The following POMT2 variants were observed in gnomAD, a reference collection of about 807,000 sequenced individuals.
POMT2 encodes protein O-mannosyltransferase 2, also known as protein O-mannosyl-transferase 2.
POMT2 carries 75 observed loss-of-function variants against 100.0 expected under a neutral mutation model. That is an observed-to-expected ratio of 0.75 (90% CI 0.62 to 0.91). The LOEUF (loss-of-function observed/expected upper bound fraction) is 0.91. Among genes scored for constraint, POMT2 ranks in the 40% least tolerant of loss-of-function variants. The pLI, the probability that POMT2 is intolerant of heterozygous loss-of-function variation, is 0.00. For synonymous variants in POMT2, 378 were observed against 374.1 expected, an observed-to-expected ratio of 1.01 and a Z score of -0.12; for missense variants, 940 against 955.1, an observed-to-expected ratio of 0.98 and a Z score of 0.21.
intron 9 of POMT2, among the ~76,000 whole-genome samples, chr14:77,294,371 G>C (rs901222039): frequency 6.6e-6 from 1 of 152,172 alleles, no homozygotes; most frequent in Non-Finnish European, 1.5e-5. Context: ...GCCTGGGCTG[G>C]AGTACAGTGG....
rs1428210399 is a variant in POMT2 at position 77,320,703 on chromosome 14, C to T, written c.-22G>A. On this transcript the variant is annotated 5_prime_UTR_variant, in exon 1 of 21. Coordinates refer to ENST00000261534, the MANE Select transcript of POMT2 (RefSeq NM_013382.7). ...GCATCTTCCCCCTCCTCTGGGTCGCCCTCCGGCCCGGAGGCACACTTTGTC... is the reference window on the plus strand; with the variant it reads ...GCATCTTCCCCCTCCTCTGGGTCGCTCTCCGGCCCGGAGGCACACTTTGTC... 3 of 1,590,764 alleles carry T rather than the reference C, an allele frequency of 1.9e-6. No individual in the cohort carries two copies. Among genetic ancestry groups the T allele is most frequent in the African/African-American group, 2.7e-5 (2 of 74,460 alleles).
At chr14:77,291,984 C>T (rs759633070) in intron 9 of POMT2, among the ~76,000 whole-genome samples, 1 of 151,942 alleles carries the variant, frequency 6.6e-6, no homozygotes, top group African/African-American at 2.4e-5. Flanking sequence ...GAGCTGAGAT[C>T]GCGCCACTGC....
intron 2 of POMT2, among the ~76,000 whole-genome samples, chr14:77,308,945 T>C (rs1891337966): frequency 6.6e-6 from 1 of 152,154 alleles, no homozygotes; most frequent in South Asian, 2.1e-4. Flanking sequence ...GCCCACCAAC[T>C]GAAGAGGGAT....
At chr14:77,313,649 T>A (rs1234851594) in intron 1 of POMT2, among the ~76,000 whole-genome samples, 1 of 152,238 alleles carries the variant, frequency 6.6e-6, no homozygotes, top group African/African-American at 2.4e-5. Context: ...TTTTTAAATC[T>A]GTTTGGGAAC....
intron 7 of POMT2, 40 bp downstream of exon 7, chr14:77,299,415 G>T: frequency 1.3e-6 from 2 of 1,582,328 alleles, no homozygotes; most frequent in East Asian, 2.2e-5. Flanking sequence ...GGAGCAAAAG[G>T]AAAACCAGAA....
At position 77,277,485 on chromosome 14, in the gene POMT2, T is replaced by A. The variant is rs1566641822; in HGVS notation, c.2148-4A>T. 6.2e-7 allele frequency: 1 copy of A among 1,606,346 alleles called. No individual in the cohort carries two copies. On this transcript the variant is annotated splice_region_variant and splice_polypyrimidine_tract_variant and intron_variant, in intron 20 of 20. Transcript: ENST00000261534. ...CAGAGGGTGGAAGAGGTAGAAGCTG[T>A]GAGAGAGAACCAGTAGGAGGCAGTT...
chr14:77,285,672 G>A (rs1158052684), intron 12 of POMT2, 40 bp from the exon 13 acceptor site: 1 of 1,590,350 alleles, frequency 6.3e-7, no homozygotes, highest in Non-Finnish European at 8.6e-7. Flanking sequence ...AGAAAGTGAG[G>A]GGACTTTAGA....
chr14:77,316,567 A>T (rs1017666648), intron 1 of POMT2, among the ~76,000 whole-genome samples: 8 of 68,960 alleles, frequency 1.2e-4, no homozygotes, highest in Non-Finnish European at 2.0e-4. Context: ...TCTCATCTCT[A>T]AAAAAAAAAA....
chr14:77,306,579 A>T (rs1594800379), intron 2 of POMT2, 138 bp from the exon 3 acceptor site: 7 of 905,356 alleles, frequency 7.7e-6, no homozygotes. Flanking sequence ...CCAATGCAAC[A>T]TTTTCTCCTG....
At chr14:77,311,428 T>C (rs960890632) in intron 2 of POMT2, among the ~76,000 whole-genome samples, 1 of 152,228 alleles carries the variant, frequency 6.6e-6, no homozygotes, top group Non-Finnish European at 1.5e-5. Context: ...TCATCACCAC[T>C]ACCTAATTCT....
rs55687913 is a variant in POMT2, at chr14:77,296,555, A to G, written c.1007-282T>C. ...GTGTAACAGCAAAAGACGAAAAACA[A>G]CTTGTCCTTCTCAAGGTCTCCACAT... On this transcript the variant is annotated intron_variant, in intron 8 of 20. Coordinates refer to ENST00000261534, the MANE Select transcript of POMT2 (RefSeq NM_013382.7). 50,409 of 454,468 alleles carry G rather than the reference A, an allele frequency of 0.11. 3,401 individuals are homozygous for G. The highest frequency in any genetic ancestry group is 0.19 in the South Asian group (7,846 of 40,268). 28.2% of individuals were successfully genotyped at this position (454,468 alleles called of 1,614,324 possible). A position where few individuals can be genotyped will look rare whatever the true frequency, so the allele number is the denominator to read the frequency against.
intron 10 of POMT2, among the ~76,000 whole-genome samples, chr14:77,290,288 T>C (rs1566650190): frequency 6.6e-6 from 1 of 152,216 alleles, no homozygotes; most frequent in Non-Finnish European, 1.5e-5. Context: ...AACTCCTCAC[T>C]GTGATAGAAC....
chr14:77,283,230 T>C (rs888626107), intron 15 of POMT2, among the ~76,000 whole-genome samples: 1 of 152,226 alleles, frequency 6.6e-6, no homozygotes, highest in African/African-American at 2.4e-5. Flanking sequence ...ACACTCAAAT[T>C]AGCTATCCAT....
rs529542799 is a variant in POMT2, at chr14:77,319,916, T to A, written c.248+518A>T. On this transcript the variant is annotated intron_variant, in intron 1 of 20. Coordinates refer to ENST00000261534, the MANE Select transcript of POMT2 (RefSeq NM_013382.7). ...CACCCAGTATCTGGATAGTACAAGC[T>A]AAAACCTTTAAGAAAATAAATCTCT... Among the ~76,000 whole-genome samples the A allele has an allele frequency of 7.9e-4, 120 of 152,324 alleles. 1 individual carries two copies. The highest frequency in any genetic ancestry group is 2.8e-3 in the African/African-American group (115 of 41,568).
chr14:77,295,160 C>A (rs1890778685), intron 9 of POMT2, among the ~76,000 whole-genome samples: 1 of 152,234 alleles, frequency 6.6e-6, no homozygotes, highest in Admixed American at 6.5e-5. Context: ...GCTTCTCCCT[C>A]TCAGGCACCA....
Position 77,291,305 on chromosome 14 carries a change from C to T in POMT2, c.1183+9G>A. On this transcript the variant is annotated intron_variant, in intron 10 of 20. Coordinates refer to ENST00000261534, the MANE Select transcript of POMT2 (RefSeq NM_013382.7). ...CAGCACAAGAAGCATCAGTCTCTGA[C>T]CACATTACCTGAGTTTGTGTTATGT... 6.2e-7 allele frequency: 1 copy of T among 1,607,314 alleles called. No homozygotes were observed. The highest frequency in any genetic ancestry group is 8.5e-7 in the Non-Finnish European group (1 of 1,177,960).
chr14:77,293,735 GGCGCAAT>G (rs1890724699), intron 9 of POMT2, among the ~76,000 whole-genome samples: 5 of 152,264 alleles, frequency 3.3e-5, no homozygotes, highest in Admixed American at 3.3e-4. Context: ...TTCGTCCCTT[GGCGCAAT>G]GCACTTTCCC....
chr14:77,310,221 T>C (rs1448843892), intron 2 of POMT2, among the ~76,000 whole-genome samples: 1 of 152,210 alleles, frequency 6.6e-6, no homozygotes, highest in East Asian at 1.9e-4. Context: ...AAGGCAAGCT[T>C]GTGAGGCACT....
intron 3 of POMT2, among the ~76,000 whole-genome samples, chr14:77,305,749 C>T (rs1891203569): frequency 1.3e-5 from 2 of 152,176 alleles, no homozygotes; most frequent in Non-Finnish European, 2.9e-5. Flanking sequence ...GTGTTAAGGC[C>T]CTGCCATGTT....
Sources: gnomAD v4.1 joint callset for allele counts (sites outside exome capture counted in the v4.1 genomes callset) on GRCh38, gnomAD v4.1.1 for gene constraint, MANE v1.5 for transcripts, NCBI Gene and HGNC (gene_info 2026-07-23, HGNC 2026-07-21) for gene names.